The following RTF1 variants were observed in gnomAD, a reference collection of about 807,000 sequenced individuals.
The protein encoded by RTF1 is RNA polymerase-associated protein RTF1 homolog.
RTF1 carries 10 observed loss-of-function variants against 95.7 expected under a neutral mutation model. That is an observed-to-expected ratio of 0.10 (90% CI 0.06 to 0.18). The LOEUF is 0.18. RTF1 is among the 10% of genes least tolerant of loss of function. The pLI, the probability that RTF1 is intolerant of heterozygous loss-of-function variation, is 1.00. For synonymous variants in RTF1, 305 were observed against 311.8 expected, an observed-to-expected ratio of 0.98 and a Z score of 0.23; for missense variants, 458 against 875.6, an observed-to-expected ratio of 0.52 and a Z score of 6.02.
At chr15:41,449,921 G>A (rs1385370824) in intron 2 of RTF1, among the ~76,000 whole-genome samples, 1 of 151,974 alleles carries the variant, frequency 6.6e-6, no homozygotes, top group Non-Finnish European at 1.5e-5. Context: ...TACAGGCTGG[G>A]CGCAGTGGTT....
At chr15:41,440,710 C>T (rs1566839893) in intron 2 of RTF1, among the ~76,000 whole-genome samples, 1 of 148,804 alleles carries the variant, frequency 6.7e-6, no homozygotes, top group Non-Finnish European at 1.5e-5. Context: ...AAGATGGTCT[C>T]ATTCTCCTGA....
At chr15:41,423,348 G>C (rs899411232) in intron 1 of RTF1, among the ~76,000 whole-genome samples, 10 of 152,038 alleles carry the variant, frequency 6.6e-5, no homozygotes, top group African/African-American at 1.7e-4. Context: ...TCTTTTCAAA[G>C]AGTGAGTCCC....
chr15:41,449,320 T>A (rs897493564), intron 2 of RTF1, among the ~76,000 whole-genome samples: 2 of 141,946 alleles, frequency 1.4e-5, no homozygotes, highest in Admixed American at 1.5e-4. Context: ...AAGCTCCGCC[T>A]CCCGGGTTCA....
chr15:41,456,258 C>T (rs966654568), intron 3 of RTF1, among the ~76,000 whole-genome samples: 7 of 147,866 alleles, frequency 4.7e-5, no homozygotes, highest in East Asian at 2.0e-4. Flanking sequence ...AGGCTGAGGT[C>T]GGCGGATCAT....
At chr15:41,440,052 T>TAAAAA (rs201722616) in intron 2 of RTF1, among the ~76,000 whole-genome samples, 2,542 of 152,300 alleles carry the variant, frequency 0.017, 84 homozygotes, top group African/African-American at 0.058. Flanking sequence ...CCTAGGAAAA[T>TAAAAA]ATTTGTTAAC....
At chr15:41,463,030 C>T (rs1204918715) in intron 4 of RTF1, among the ~76,000 whole-genome samples, 1 of 152,222 alleles carries the variant, frequency 6.6e-6, no homozygotes, top group African/African-American at 2.4e-5. Flanking sequence ...GTTTAGATTA[C>T]AGGCATTAGC....
intron 1 of RTF1, among the ~76,000 whole-genome samples, chr15:41,421,439 A>G (rs887980092): frequency 6.6e-6 from 1 of 150,602 alleles, no homozygotes; most frequent in Admixed American, 6.6e-5. Flanking sequence ...CTGGGAAACA[A>G]GAGTGAAACT....
At chr15:41,470,803 C>T (rs1361562433) in intron 7 of RTF1, among the ~76,000 whole-genome samples, 4 of 151,338 alleles carry the variant, frequency 2.6e-5, no homozygotes, top group Non-Finnish European at 5.9e-5. Context: ...GGACTATAGG[C>T]GCCCGCCACT....
chr15:41,468,051 G>A (rs1035302694), intron 6 of RTF1, among the ~76,000 whole-genome samples: 1 of 151,694 alleles, frequency 6.6e-6, no homozygotes, highest in African/African-American at 2.4e-5. Context: ...TGTAATCCCA[G>A]CTACTTGTGG....
chr15:41,475,420 A>G, intron 9 of RTF1, 105 bp from the exon 10 acceptor site: 1 of 824,706 alleles, frequency 1.2e-6, no homozygotes, highest in Admixed American at 2.1e-5. Flanking sequence ...ATTGAGAACC[A>G]CTGCAATAGG....
rs757298324 is a variant in RTF1 at position 41,475,616 on chromosome 15, C to A, written c.1374+4C>A. The A allele has an allele frequency of 8.7e-6, 14 of 1,612,770 alleles. No homozygotes were observed. The highest frequency in any genetic ancestry group is 1.2e-5 in the Non-Finnish European group (14 of 1,178,886). On this transcript the variant is annotated splice_donor_region_variant and intron_variant, in intron 10 of 17. Coordinates refer to ENST00000389629, the MANE Select transcript of RTF1 (RefSeq NM_015138.5). ...GTTTATGAAGTGGAAAGAAGCGGTACGTGGCTAGAGATTACCTAGCAGTTG... is the reference window on the plus strand; with the variant it reads ...GTTTATGAAGTGGAAAGAAGCGGTAAGTGGCTAGAGATTACCTAGCAGTTG...
intron 1 of RTF1, among the ~76,000 whole-genome samples, chr15:41,433,546 G>A (rs1200590647): frequency 2.0e-5 from 3 of 151,940 alleles, no homozygotes; most frequent in Non-Finnish European, 4.4e-5. Flanking sequence ...TGTTGGCCAG[G>A]CACACCTCAA....
At chr15:41,464,947 TG>T in intron 5 of RTF1, 62 bp downstream of exon 5, 1 of 1,458,268 alleles carries the variant, frequency 6.9e-7, no homozygotes, top group Non-Finnish European at 9.0e-7. Flanking sequence ...TGTGTGTGTG[TG>T]TGTGTGTGTG....
chr15:41,459,976 T>C (rs1179967256), intron 4 of RTF1, among the ~76,000 whole-genome samples: 1 of 152,150 alleles, frequency 6.6e-6, no homozygotes, highest in Non-Finnish European at 1.5e-5. Context: ...AGCATTTTCT[T>C]TGGCAGCACT....
At chr15:41,480,056 TTGTC>T (rs763660984) in intron 16 of RTF1, among the ~76,000 whole-genome samples, 154 bp from the exon 17 acceptor site, 24 of 152,114 alleles carry the variant, frequency 1.6e-4, no homozygotes, top group Non-Finnish European at 2.5e-4. Flanking sequence ...AGAAAGCTCT[TTGTC>T]TGTGGCCTCC....
intron 16 of RTF1, 145 bp downstream of exon 16, chr15:41,479,343 A>C: frequency 1.6e-6 from 1 of 612,322 alleles, no homozygotes; most frequent in Non-Finnish European, 2.9e-6. Context: ...CCAGTTATTT[A>C]CAGATATAAT....
chr15:41,420,145 C>A lies in RTF1; in HGVS notation c.198+2832C>A, dbSNP rs749290768. On this transcript the variant is annotated intron_variant, in intron 1 of 17. Transcript: ENST00000389629. ...CGGAATTGCAATTTTAAATCCAATT[C>A]TAAATATCTATTTGTAAAAGGAAAT... 9.2e-5 allele frequency among the ~76,000 whole-genome samples: 14 copies of A among 152,210 alleles called. No individual in the cohort carries two copies. The South Asian group carries it at 1.4e-3, about 16-fold the overall frequency.
intron 2 of RTF1, chr15:41,448,803 T>C (rs1019094178): frequency 2.6e-5 from 4 of 152,118 alleles, no homozygotes; most frequent in Admixed American, 2.6e-4. Context: ...TGCTAATCTT[T>C]TCTGTATTCT....
chr15:41,446,401 C>T (rs2050762781), intron 2 of RTF1, among the ~76,000 whole-genome samples: 1 of 151,900 alleles, frequency 6.6e-6, no homozygotes, highest in Non-Finnish European at 1.5e-5. Context: ...CCCTTTTCTA[C>T]TAAAAATACA....
Sources: gnomAD v4.1 joint callset for allele counts (sites outside exome capture counted in the v4.1 genomes callset) on GRCh38, gnomAD v4.1.1 for gene constraint, MANE v1.5 for transcripts, NCBI Gene and HGNC (gene_info 2026-07-23, HGNC 2026-07-21) for gene names.